CCR6: variants seen among roughly 807,000 people sequenced by gnomAD.
The protein encoded by CCR6 is C-C chemokine receptor type 6.
In CCR6, 2 loss-of-function variants were observed where a neutral mutation model predicts 3.0. That is an observed-to-expected ratio of 0.66 (90% CI 0.27 to 2.07). CCR6 has a LOEUF of 2.07. Among genes scored for constraint, CCR6 ranks in the 30% most tolerant of loss-of-function variants. The pLI, the probability that CCR6 is intolerant of heterozygous loss-of-function variation, is 0.14. For synonymous variants in CCR6, 193 were observed against 184.3 expected (o/e 1.05, Z -0.38); for missense variants, 322 against 462.8 (o/e 0.70, Z 2.79).
chr6:167,112,924 C>T (rs1357122065), intron 1 of CCR6, among the ~76,000 whole-genome samples: 1 of 151,774 alleles, frequency 6.6e-6, no homozygotes, highest in Non-Finnish European at 1.5e-5. Flanking sequence ...GCATTGTCTC[C>T]CAAGTGAAAG....
Position 167,136,555 on chromosome 6 carries a change from G to A in CCR6, c.325G>A (p.Gly109Ser), listed in dbSNP as rs775469681. 28 of 1,601,014 alleles carry A rather than the reference G, an allele frequency of 1.7e-5. No individual in the cohort carries two copies. The Admixed American group carries it at 2.5e-4, about 14-fold the overall frequency. Residue 109 changes from glycine (G) to serine (S), a missense_variant, in exon 3 of 3, where the codon GGT (glycine) becomes AGT (serine). By Grantham distance (56) the Gly-to-Ser change is moderately conservative. Transcript: ENST00000341935. This position sits in a 1 kb window ranked among gnomAD's most constrained non-coding sequence, Gnocchi z 4.6. ...ATTCTGGGCAGTGAGTCATGCCACCGGTGCGTGGGTTTTCAGCAATGCCAC... is the reference window on the plus strand; with the variant it reads ...ATTCTGGGCAGTGAGTCATGCCACCAGTGCGTGGGTTTTCAGCAATGCCAC... Reference protein sequence around the residue: ...LPFWAVSHATGAWVFSNATCK... With the variant: ...LPFWAVSHATSAWVFSNATCK...
chr6:167,128,765 G>C (rs1478385277), intron 1 of CCR6, among the ~76,000 whole-genome samples: 2 of 152,120 alleles, frequency 1.3e-5, no homozygotes, highest in African/African-American at 4.8e-5. Flanking sequence ...GTAGAGACAA[G>C]GTTTCACCAT....
chr6:167,130,866 C>T (rs1196997628), intron 1 of CCR6, among the ~76,000 whole-genome samples: 6 of 151,186 alleles, frequency 4.0e-5, no homozygotes, highest in African/African-American at 1.2e-4. Flanking sequence ...ATAGCTCTGC[C>T]GGGAACTTCC....
At chr6:167,125,164 C>A (rs553907353) in intron 1 of CCR6, among the ~76,000 whole-genome samples, 1 of 152,186 alleles carries the variant, frequency 6.6e-6, no homozygotes, top group Non-Finnish European at 1.5e-5. Flanking sequence ...CCTTGTTTTG[C>A]AGGGCCACTA....
chr6:167,117,704 C>T (rs1181448079), intron 1 of CCR6, among the ~76,000 whole-genome samples: 11 of 152,060 alleles, frequency 7.2e-5, no homozygotes, highest in South Asian at 2.1e-4. Flanking sequence ...CGTGAGCCAC[C>T]GCGCCCGGCC....
chr6:167,133,930 G>C (rs1480535602), intron 1 of CCR6, among the ~76,000 whole-genome samples: 1 of 29,024 alleles, frequency 3.4e-5, no homozygotes, highest in Non-Finnish European at 6.7e-5. Context: ...TGATATATGT[G>C]TGTATATATA....
chr6:167,130,441 T>A (rs1375478302), intron 1 of CCR6, among the ~76,000 whole-genome samples: 1 of 151,956 alleles, frequency 6.6e-6, no homozygotes, highest in East Asian at 1.9e-4. Context: ...AAGGAGCTGG[T>A]GACTGCTGCC....
At chr6:167,118,596 G>C (rs897576790), upstream of CCR6, among the ~76,000 whole-genome samples, 1 of 152,056 alleles carries the variant, frequency 6.6e-6, no homozygotes, top group Non-Finnish European at 1.5e-5. Context: ...TTCCCCTTTT[G>C]CTTGTTCCTT....
chr6:167,135,568 A>T (rs1420296330), intron 1 of CCR6, among the ~76,000 whole-genome samples: 1 of 152,232 alleles, frequency 6.6e-6, no homozygotes, highest in Non-Finnish European at 1.5e-5. Context: ...AAAGCCCGGG[A>T]CTATGAATTA....
chr6:167,122,378 G>A (rs572926030), upstream of CCR6, among the ~76,000 whole-genome samples: 7 of 152,188 alleles, frequency 4.6e-5, no homozygotes, highest in South Asian at 2.1e-4. This position sits in a 1 kb window ranked among gnomAD's most constrained non-coding sequence, Gnocchi z 4.2. Flanking sequence ...GTGACTTGTC[G>A]TCAGCTGCTT....
chr6:167,130,049 A>G (rs1476150335), intron 1 of CCR6, among the ~76,000 whole-genome samples: 2 of 151,822 alleles, frequency 1.3e-5, no homozygotes, highest in Admixed American at 6.5e-5. Flanking sequence ...TTTGGGAAAT[A>G]TCTAAATTCC....
At chr6:167,120,490 G>A (rs893471923), upstream of CCR6, among the ~76,000 whole-genome samples, 20 of 152,152 alleles carry the variant, frequency 1.3e-4, no homozygotes, top group African/African-American at 4.3e-4. Context: ...TGTGTGCAGA[G>A]CCTGTTTGTG....
chr6:167,123,973 A>G (rs973506349), intron 1 of CCR6, among the ~76,000 whole-genome samples: 3 of 152,062 alleles, frequency 2.0e-5, no homozygotes, highest in African/African-American at 4.8e-5. Context: ...TTAGCCAGGC[A>G]TTGTGGCATG....
Position 167,137,350 on chromosome 6 carries a change from A to G in CCR6, c.1120A>G (p.Met374Val), listed in dbSNP as rs1781865646. 1 of 1,608,260 alleles carries G rather than the reference A, an allele frequency of 6.2e-7. No individual in the cohort carries two copies. Among genetic ancestry groups the G allele is most frequent in the Non-Finnish European group, 8.5e-7 (1 of 1,178,132 alleles). ...ADNDNASSFTM is the reference protein window; with the variant it reads ...ADNDNASSFTV ...TAACGACAATGCGTCGTCCTTCACT[A>G]TGTGATAGAAAGCTGAGTCTCCCTA... Residue 374 changes from methionine (M) to valine (V), a missense_variant, in exon 3 of 3, where the codon ATG (methionine) becomes GTG (valine). Met to Val is a conservative substitution (Grantham distance 21). Transcript: ENST00000341935. This position sits in a 1 kb window ranked among gnomAD's most constrained non-coding sequence, Gnocchi z 4.6.
In CCR6 at chr6:167,117,510, G is replaced by A. The variant is rs567879996; in HGVS notation, c.-98+5496G>A. The stretch of plus-strand genomic sequence containing the variant: ...CGACTCACTGCAAGCTCCGCCTCCC[G>A]GGTTCACGCCATTCTCCTGCCTCAG... On this transcript the variant is annotated intron_variant, in intron 1 of 2. Coordinates refer to the CCR6 transcript ENST00000400926. 2.7e-3 allele frequency among the ~76,000 whole-genome samples: 381 copies of A among 143,302 alleles called. 1 individual carries two copies. Among genetic ancestry groups the A allele is most frequent in the African/African-American group, 9.6e-3 (360 of 37,652 alleles). The allele number at this position is 143,302 out of a possible 152,430, so 94.0% of individuals were successfully genotyped here. A position where few individuals can be genotyped will look rare whatever the true frequency, so the allele number is the denominator to read the frequency against.
upstream of CCR6, among the ~76,000 whole-genome samples, chr6:167,122,612 G>C (rs1203524632): frequency 6.6e-6 from 1 of 152,224 alleles, no homozygotes; most frequent in Non-Finnish European, 1.5e-5. The surrounding 1 kb of genome is among the most constrained non-coding windows in gnomAD (Gnocchi z 4.2). Context: ...ACCCTCTGAG[G>C]TTAGAGCTGT....
chr6:167,124,585 CTGCT>C (rs1306311349), intron 1 of CCR6, among the ~76,000 whole-genome samples: 1 of 151,994 alleles, frequency 6.6e-6, no homozygotes, highest in African/African-American at 2.4e-5. Context: ...TCACTAAGAC[CTGCT>C]GGTGGCAAGG....
At chr6:167,113,411 C>T (rs1447539013) in intron 1 of CCR6, among the ~76,000 whole-genome samples, 1 of 152,172 alleles carries the variant, frequency 6.6e-6, no homozygotes, top group Non-Finnish European at 1.5e-5. Context: ...CAGGTGCAGT[C>T]AAGAGGTGGG....
chr6:167,130,202 A>G (rs901158777), intron 1 of CCR6, among the ~76,000 whole-genome samples: 11 of 151,826 alleles, frequency 7.2e-5, no homozygotes, highest in African/African-American at 2.7e-4. Context: ...TCAAAGAGAC[A>G]GTGTGAGATG....
Sources: gnomAD v4.1 joint callset for allele counts (sites outside exome capture counted in the v4.1 genomes callset) on GRCh38, gnomAD v4.1.1 for gene constraint, Gnocchi (gnomAD v3.1) non-coding constraint, MANE v1.5 for transcripts, NCBI Gene and HGNC (gene_info 2026-07-23, HGNC 2026-07-21) for gene names.